MALRD1: variants seen among roughly 807,000 people sequenced by gnomAD.
MALRD1 encodes the protein MAM and LDL-receptor class A domain-containing protein 1.
MALRD1 carries 247 observed loss-of-function variants against 242.1 expected under a neutral mutation model. That is an observed-to-expected ratio of 1.02 (90% confidence interval 0.92 to 1.13). The LOEUF is 1.13. MALRD1 is among the 50% of genes most tolerant of loss of function. MALRD1 has a pLI of 0.00. For synonymous variants in MALRD1, 995 were observed against 866.6 expected (o/e 1.15, Z -2.60); for missense variants, 2,989 against 2,533.1 (o/e 1.18, Z -3.86).
Position 19,133,935 on chromosome 10 carries a change from T to C in MALRD1, c.1190T>C (p.Leu397Pro), listed in dbSNP as rs572023694. The C allele has an allele frequency of 1.6e-6, 2 of 1,228,280 alleles. No homozygotes were observed. The highest frequency in any genetic ancestry group is 1.6e-5 in the African/African-American group (1 of 64,432). The allele number at this position is 1,228,280 out of a possible 1,614,324, so 76.1% of individuals were successfully genotyped here. Residue 397 changes from leucine (L) to proline (P), a missense_variant, in exon 9 of 40, where the codon CTG becomes CCG. By Grantham distance (98) the Leu-to-Pro change is moderately conservative. Coordinates refer to ENST00000454679, the MANE Select transcript of MALRD1 (RefSeq NM_001142308.3). Reference protein sequence around the residue: ...VKADVLIPEDLKTFKIIFEGT... With the variant: ...VKADVLIPEDPKTFKIIFEGT... ...GCAGATGTGTTAATACCAGAAGATC[T>C]GAAGACATTTAAGGTATGAAAGAAA...
chr10:19,276,207 CTT>C (rs1588834503), intron 19 of MALRD1, among the ~76,000 whole-genome samples: 1 of 152,186 alleles, frequency 6.6e-6, no homozygotes, highest in African/African-American at 2.4e-5. Context: ...TTCATTGAAA[CTT>C]TGACAAAATA....
At chr10:19,126,034 T>G (rs1837272578) in intron 7 of MALRD1, among the ~76,000 whole-genome samples, 1 of 152,096 alleles carries the variant, frequency 6.6e-6, no homozygotes, top group South Asian at 2.1e-4. Flanking sequence ...ATAATTTATC[T>G]GGTCATACAA....
chr10:19,466,955 G>T (rs1054377581), intron 29 of MALRD1, among the ~76,000 whole-genome samples: 1 of 152,062 alleles, frequency 6.6e-6, no homozygotes, highest in African/African-American at 2.4e-5. Context: ...TGGATTTTCA[G>T]ATTAGGGATG....
intron 32 of MALRD1, among the ~76,000 whole-genome samples, chr10:19,557,342 A>G (rs976070504): frequency 6.6e-6 from 1 of 152,134 alleles, no homozygotes; most frequent in African/African-American, 2.4e-5. Flanking sequence ...TTGGCAATAT[A>G]TGTAAAAACT....
intron 36 of MALRD1, among the ~76,000 whole-genome samples, chr10:19,687,902 A>AT (rs1349223390): frequency 1.3e-5 from 2 of 149,324 alleles, no homozygotes; most frequent in African/African-American, 4.9e-5. Context: ...ATTATTATTT[A>AT]TTTTTTTAAT....
Position 19,352,060 on chromosome 10 carries a change from C to A in MALRD1, c.4204C>A (p.Gln1402Lys), listed in dbSNP as rs1344465068. 1.9e-6 allele frequency: 3 copies of A among 1,550,284 alleles called. No individual in the cohort carries two copies. Among genetic ancestry groups the A allele is most frequent in the Non-Finnish European group, 2.6e-6 (3 of 1,146,774 alleles). ...TGGCATTGGGGCACTCACCTTAATGCAGGTGTCAGTCACAAACCAAACGAA... is the reference window on the plus strand; with the variant it reads ...TGGCATTGGGGCACTCACCTTAATGAAGGTGTCAGTCACAAACCAAACGAA... ...GNGIGALTLM[Q>K]VSVTNQTKVL... is the part of the protein sequence containing the mutation. The change falls in exon 26 of 40, where the codon CAG becomes AAG. Residue 1402 changes from glutamine to lysine, a missense_variant. By Grantham distance (53) the Gln-to-Lys change is moderately conservative. Transcript: ENST00000454679.
At chr10:19,130,783 C>T (rs1000301231) in intron 8 of MALRD1, among the ~76,000 whole-genome samples, 5 of 152,028 alleles carry the variant, frequency 3.3e-5, no homozygotes, top group Non-Finnish European at 7.4e-5. Flanking sequence ...GAAAATGAGC[C>T]ATGCCATTCT....
chr10:19,555,276 T>C (rs372296774), intron 32 of MALRD1, among the ~76,000 whole-genome samples: 71 of 152,186 alleles, frequency 4.7e-4, no homozygotes, highest in African/African-American at 1.7e-3. Flanking sequence ...GGCTCACCTT[T>C]AACATTGGGG....
Position 19,393,477 on chromosome 10 carries a change from G to A in MALRD1, c.4845+3868G>A, listed in dbSNP as rs560479744. Among the ~76,000 whole-genome samples the A allele has an allele frequency of 1.3e-3, 164 of 122,914 alleles. 1 individual carries two copies. The highest frequency in any genetic ancestry group is 0.011 in the South Asian group (46 of 4,086). 80.6% of individuals were successfully genotyped at this position (122,914 alleles called of 152,430 possible). A position where few individuals can be genotyped will look rare whatever the true frequency, so the allele number is the denominator to read the frequency against. On this transcript the variant is annotated intron_variant, in intron 28 of 39. Coordinates refer to ENST00000454679, the MANE Select transcript of MALRD1 (RefSeq NM_001142308.3). ...TTTTTTTTTTTTGAGACCGAGTCTC[G>A]CTCTGTCACCCAGGCTGGAGTGCAG...
At chr10:19,425,917 T>C (rs1283900302) in intron 28 of MALRD1, among the ~76,000 whole-genome samples, 1 of 152,190 alleles carries the variant, frequency 6.6e-6, no homozygotes, top group East Asian at 1.9e-4. Context: ...AGAGCACTAA[T>C]CTAATCCATG....
chr10:19,292,750 G>A (rs370105801), intron 21 of MALRD1, among the ~76,000 whole-genome samples: 106 of 151,996 alleles, frequency 7.0e-4, no homozygotes, highest in African/African-American at 2.3e-3. Flanking sequence ...AAAATTAGCC[G>A]GGCATGGTGG....
chr10:19,054,423 A>G (rs945140023), intron 1 of MALRD1, among the ~76,000 whole-genome samples: 2 of 152,176 alleles, frequency 1.3e-5, no homozygotes, highest in African/African-American at 2.4e-5. Context: ...GTGACAAGAC[A>G]TTGAAATTTA....
chr10:19,398,816 AATTTGAG>A (rs1411919610), intron 28 of MALRD1, among the ~76,000 whole-genome samples: 7 of 152,210 alleles, frequency 4.6e-5, no homozygotes, highest in African/African-American at 1.7e-4. Context: ...CAGTTTCTAA[AATTTGAG>A]ATACATTAAG....
intron 38 of MALRD1, among the ~76,000 whole-genome samples, chr10:19,700,968 C>T (rs1833595681): frequency 6.6e-6 from 1 of 151,982 alleles, no homozygotes; most frequent in South Asian, 2.1e-4. Flanking sequence ...GGCAACATAG[C>T]AAAACCCCAC....
chr10:19,261,754 C>G (rs1225691550), intron 19 of MALRD1, among the ~76,000 whole-genome samples: 1 of 129,816 alleles, frequency 7.7e-6, no homozygotes, highest in Non-Finnish European at 1.7e-5. Context: ...TTTTACTTTT[C>G]TTTGGTACTT....
chr10:19,576,176 T>C (rs1483273233), intron 33 of MALRD1, among the ~76,000 whole-genome samples: 3 of 152,212 alleles, frequency 2.0e-5, no homozygotes, highest in Non-Finnish European at 4.4e-5. Flanking sequence ...CTTCAAGTAA[T>C]AGCTTTGGAA....
chr10:19,642,213 A>G (rs1202838794), intron 36 of MALRD1, among the ~76,000 whole-genome samples: 1 of 152,222 alleles, frequency 6.6e-6, no homozygotes, highest in Admixed American at 6.5e-5. Context: ...AGACTATTCC[A>G]GAAAATCTAA....
At chr10:19,580,237 T>C (rs531824791) in intron 33 of MALRD1, among the ~76,000 whole-genome samples, 2 of 152,338 alleles carry the variant, frequency 1.3e-5, no homozygotes, top group Non-Finnish European at 2.9e-5. Flanking sequence ...ATGTATGCAA[T>C]TTCAGCCATT....
At chr10:19,719,100 T>A (rs1012544438) in intron 38 of MALRD1, among the ~76,000 whole-genome samples, 1 of 148,770 alleles carries the variant, frequency 6.7e-6, no homozygotes, top group Non-Finnish European at 1.5e-5. Flanking sequence ...GAGGTCAAAC[T>A]ATGATCCCAC....
Sources: gnomAD v4.1 joint callset for allele counts (sites outside exome capture counted in the v4.1 genomes callset) on GRCh38, gnomAD v4.1.1 for gene constraint, MANE v1.5 for transcripts, NCBI Gene and HGNC (gene_info 2026-07-23, HGNC 2026-07-21) for gene names.